The following TMPRSS12 variants were observed in gnomAD, a reference collection of about 807,000 sequenced individuals.
TMPRSS12 encodes the protein transmembrane serine protease 12.
In TMPRSS12, 25 loss-of-function variants were observed where a neutral mutation model predicts 26.0. The ratio of observed to expected loss-of-function variants is 0.96; its 90% CI spans 0.70 to 1.34. The LOEUF is 1.34. Ranked by LOEUF, TMPRSS12 falls within the 40% of genes most tolerant of loss-of-function variation. The pLI, the probability that TMPRSS12 is intolerant of heterozygous loss-of-function variation, is 0.00. For missense variants in TMPRSS12, 441 were observed against 440.1 expected (o/e 1.00, Z -0.02); for synonymous variants, 150 against 161.7 (o/e 0.93, Z 0.55).
chr12:50,866,596 T>C (rs1937993205), intron 3 of TMPRSS12, among the ~76,000 whole-genome samples: 1 of 149,236 alleles, frequency 6.7e-6, no homozygotes, highest in Admixed American at 6.7e-5. Context: ...TCTAGGGCCC[T>C]GTCCACCACT....
chr12:50,885,123 A>G, intron 3 of TMPRSS12, 123 bp from the exon 4 acceptor site: 2 of 794,826 alleles, frequency 2.5e-6, no homozygotes, highest in East Asian at 5.4e-5. Context: ...ACACATATAT[A>G]TGAATATAAT....
intron 2 of TMPRSS12, among the ~76,000 whole-genome samples, chr12:50,856,301 C>T (rs1937877135): frequency 3.9e-5 from 6 of 152,150 alleles, no homozygotes; most frequent in African/African-American, 2.4e-5. Context: ...TTCCCCTTAC[C>T]TCATGATTGT....
chr12:50,870,537 G>A (rs1362324870), intron 3 of TMPRSS12, among the ~76,000 whole-genome samples: 1 of 152,096 alleles, frequency 6.6e-6, no homozygotes, highest in East Asian at 1.9e-4. Context: ...TCTGAGAACT[G>A]GAACAAGACA....
At chr12:50,869,520 C>G (rs938023889) in intron 3 of TMPRSS12, among the ~76,000 whole-genome samples, 1 of 152,016 alleles carries the variant, frequency 6.6e-6, no homozygotes, top group African/African-American at 2.4e-5. Flanking sequence ...AAATTACCAA[C>G]CATAAAAATC....
chr12:50,885,540 A>G (rs780882052), intron 4 of TMPRSS12, 152 bp downstream of exon 4: 1 of 947,684 alleles, frequency 1.1e-6, no homozygotes, highest in South Asian at 1.4e-5. Flanking sequence ...AACAATCCAA[A>G]TCTTCTTGGT....
chr12:50,845,955 A>G (rs1937762898), intron 2 of TMPRSS12, among the ~76,000 whole-genome samples: 1 of 152,150 alleles, frequency 6.6e-6, no homozygotes, highest in Admixed American at 6.5e-5. Context: ...ATGTCTATTC[A>G]AGTCCTTTGT....
chr12:50,856,640 T>TAA lies in TMPRSS12; in HGVS notation c.384-2136_384-2135dup, dbSNP rs56787738. 1.0e-3 allele frequency among the ~76,000 whole-genome samples: 155 copies of TAA among 149,316 alleles called. 1 individual carries two copies. The highest frequency in any genetic ancestry group is 1.8e-3 in the African/African-American group (75 of 40,916). On this transcript the variant is annotated intron_variant, in intron 2 of 4. Coordinates refer to ENST00000398458, the MANE Select transcript of TMPRSS12 (RefSeq NM_182559.3). ...GATAAGTGTATCTGCTGTTTTATAT[T>TAA]AAAAAAAAAATAAGTAGAACATTTT...
chr12:50,872,065 A>T (rs1225372749), intron 3 of TMPRSS12, among the ~76,000 whole-genome samples: 3 of 152,226 alleles, frequency 2.0e-5, no homozygotes, highest in African/African-American at 7.2e-5. Context: ...TAGAACTGCC[A>T]TTTGATCCAG....
chr12:50,851,272 A>G (rs829128), intron 2 of TMPRSS12, among the ~76,000 whole-genome samples: 98,494 of 152,006 alleles, frequency 0.65, 32,221 homozygotes, highest in Non-Finnish European at 0.7. Context: ...ACAAGATTCC[A>G]GAGAAATCTG....
intron 3 of TMPRSS12, among the ~76,000 whole-genome samples, chr12:50,872,796 ATATATGTACATATATATGACG>A (rs1565935960): frequency 2.7e-5 from 3 of 112,868 alleles, no homozygotes; most frequent in African/African-American, 9.9e-5. Context: ...TATATGACGT[ATATATGTACATATATATGACG>A]TATATATGTA....
chr12:50,858,895 T>C lies in TMPRSS12; in HGVS notation c.494T>C (p.Leu165Ser), dbSNP rs1937907561. The C allele has an allele frequency of 1.3e-6, 2 of 1,591,378 alleles. No homozygotes were observed. Among genetic ancestry groups the C allele is most frequent in the African/African-American group, 2.7e-5 (2 of 74,660 alleles). Reference sequence around the variant, plus strand: ...ATCATTATTCATCCAAACTTCATTTTGGAATCTTATGTAAATGATATTGCA... The same window carrying C: ...ATCATTATTCATCCAAACTTCATTTCGGAATCTTATGTAAATGATATTGCA... The part of the protein sequence containing the change: ...KAIIIHPNFI[L>S]ESYVNDIALF... Residue 165 changes from leucine to serine, a missense_variant, in exon 3 of 5, where the codon TTG (leucine) becomes TCG (serine). Transcript: ENST00000398458.
At position 50,858,828 on chromosome 12, in the gene TMPRSS12, C is replaced by G; in HGVS notation, c.427C>G (p.His143Asp). The G allele has an allele frequency of 6.2e-7, 1 of 1,608,570 alleles. No individual in the cohort carries two copies. The highest frequency in any genetic ancestry group is 2.2e-5 in the East Asian group (1 of 44,772). The stretch of plus-strand genomic sequence containing the variant: ...AGCTGTGATTGGAACTAATAATATA[C>G]ATGGACGCTATCCTCATACCAAGAA... ...WTAVIGTNNIHGRYPHTKKIK... is the reference protein window; with the variant it reads ...WTAVIGTNNIDGRYPHTKKIK... The change falls in exon 3 of 5, where the codon CAT becomes GAT. Residue 143 changes from histidine (H) to aspartate (D), a missense_variant. His to Asp is a moderately conservative substitution (Grantham distance 81). Transcript: ENST00000398458.
At chr12:50,872,078 A>G (rs1592222582) in intron 3 of TMPRSS12, among the ~76,000 whole-genome samples, 1 of 152,192 alleles carries the variant, frequency 6.6e-6, no homozygotes, top group Non-Finnish European at 1.5e-5. Flanking sequence ...TGATCCAGCA[A>G]TCCCACTACT....
At chr12:50,861,213 A>G (rs1475497075) in intron 3 of TMPRSS12, among the ~76,000 whole-genome samples, 8 of 152,220 alleles carry the variant, frequency 5.3e-5, no homozygotes, top group African/African-American at 1.9e-4. Context: ...TGAATATTTA[A>G]TAACTATATT....
intron 3 of TMPRSS12, among the ~76,000 whole-genome samples, chr12:50,859,387 T>C (rs185253238): frequency 1.2e-4 from 18 of 152,196 alleles, no homozygotes; most frequent in African/African-American, 4.1e-4. Context: ...TGCTAATTTT[T>C]GTATTTTTAG....
chr12:50,846,037 ATC>A (rs1937763607), intron 2 of TMPRSS12, among the ~76,000 whole-genome samples: 1 of 152,050 alleles, frequency 6.6e-6, no homozygotes. Flanking sequence ...CTGGATATTA[ATC>A]TGTTGTCAGA....
At position 50,883,933 on chromosome 12, in the gene TMPRSS12, T is replaced by C. The variant is rs146342670; in HGVS notation, c.653-1313T>C. Among the ~76,000 whole-genome samples, 269 of 152,228 alleles carry C rather than the reference T, an allele frequency of 1.8e-3. 5 individuals are homozygous for C. The highest frequency in any genetic ancestry group is 6.1e-3 in the African/African-American group (254 of 41,550). On this transcript the variant is annotated intron_variant, in intron 3 of 4. Coordinates refer to ENST00000398458, the MANE Select transcript of TMPRSS12 (RefSeq NM_182559.3). ...GGGAGGATTGCTTGAGCCCAGGAGT[T>C]TGAGGCTGCAGTGAGCTAATTGTGC...
At chr12:50,864,669 G>GT (rs1235721887) in intron 3 of TMPRSS12, among the ~76,000 whole-genome samples, 2 of 151,986 alleles carry the variant, frequency 1.3e-5, no homozygotes, top group African/African-American at 2.4e-5. Context: ...GTTTTGTTTT[G>GT]TTTTTTTGAG....
At chr12:50,860,863 A>C (rs1018882244) in intron 3 of TMPRSS12, among the ~76,000 whole-genome samples, 4 of 152,068 alleles carry the variant, frequency 2.6e-5, no homozygotes, top group Admixed American at 6.5e-5. Context: ...CTCCTGCTTC[A>C]GCCTCCCAAA....
Sources: gnomAD v4.1 joint callset for allele counts (sites outside exome capture counted in the v4.1 genomes callset) on GRCh38, gnomAD v4.1.1 for gene constraint, MANE v1.5 for transcripts, NCBI Gene and HGNC (gene_info 2026-07-23, HGNC 2026-07-21) for gene names.